Variants in SSX2IP observed in about 807,000 individuals in gnomAD.
SSX2IP encodes the protein SSX family member 2 interacting protein, also known as afadin- and alpha-actinin-binding protein.
Under a neutral mutation model 84.9 loss-of-function variants are expected in SSX2IP, and 55 were observed. The ratio of observed to expected loss-of-function variants is 0.65; its 90% CI spans 0.52 to 0.81. The LOEUF is 0.81. Among genes scored for constraint, SSX2IP ranks in the 30% least tolerant of loss-of-function variants. The pLI is 0.00. For synonymous variants in SSX2IP, 239 were observed against 234.7 expected, an observed-to-expected ratio of 1.02 and a Z score of -0.17; for missense variants, 664 against 705.2, an observed-to-expected ratio of 0.94 and a Z score of 0.66.
At chr1:84,660,992 G>A (rs531665671) in intron 8 of SSX2IP, among the ~76,000 whole-genome samples, 1 of 149,480 alleles carries the variant, frequency 6.7e-6, no homozygotes, top group South Asian at 2.1e-4. Context: ...ACTTGAACTC[G>A]GGAGGCAGAG....
intron 1 of SSX2IP, among the ~76,000 whole-genome samples, chr1:84,676,719 CTTTTTT>C (rs61017474): frequency 1.6e-4 from 16 of 99,490 alleles, no homozygotes; most frequent in East Asian, 1.0e-3. Flanking sequence ...TGCTCTTTTC[CTTTTTT>C]TTTTTTTTTT....
chr1:84,676,398 G>A (rs957251460), intron 1 of SSX2IP, among the ~76,000 whole-genome samples: 4 of 152,040 alleles, frequency 2.6e-5, no homozygotes, highest in Non-Finnish European at 4.4e-5. Context: ...TTTAGTAAAA[G>A]CTTTACCTTA....
At chr1:84,683,760 G>A (rs1340046264) in intron 1 of SSX2IP, among the ~76,000 whole-genome samples, 2 of 152,172 alleles carry the variant, frequency 1.3e-5, no homozygotes, top group Non-Finnish European at 2.9e-5. Flanking sequence ...GCTGCAATTT[G>A]GAAGGGCTTT....
chr1:84,647,631 C>A, intron 13 of SSX2IP, 24 bp from the exon 14 acceptor site: 1 of 1,498,524 alleles, frequency 6.7e-7, no homozygotes, highest in Non-Finnish European at 9.0e-7. Flanking sequence ...AAAGGCAGAT[C>A]TTAGTGACTA....
intron 1 of SSX2IP, among the ~76,000 whole-genome samples, chr1:84,688,894 G>A (rs1656183081): frequency 6.6e-6 from 1 of 152,192 alleles, no homozygotes; most frequent in Non-Finnish European, 1.5e-5. Flanking sequence ...AGTACAAAAT[G>A]ACTTGGCCTA....
At chr1:84,674,985 A>C (rs1654117342) in intron 1 of SSX2IP, among the ~76,000 whole-genome samples, 1 of 152,256 alleles carries the variant, frequency 6.6e-6, no homozygotes, top group South Asian at 2.1e-4. Context: ...ATTTCAGCTC[A>C]AATATAGCTA....
At chr1:84,688,292 TA>T (rs1216547587) in intron 1 of SSX2IP, among the ~76,000 whole-genome samples, 2 of 152,144 alleles carry the variant, frequency 1.3e-5, no homozygotes, top group Non-Finnish European at 2.9e-5. Context: ...TAGCTAACCA[TA>T]TCACCATTAC....
rs1279877287 is a variant in SSX2IP at position 84,662,309 on chromosome 1, C to T, written c.816G>A (p.Met272Ile). 6.2e-7 allele frequency: 1 copy of T among 1,609,400 alleles called. No individual in the cohort carries two copies. The highest frequency in any genetic ancestry group is 1.1e-5 in the South Asian group (1 of 89,898). Residue 272 changes from methionine to isoleucine, a missense_variant, in exon 8 of 14, where the codon ATG (methionine) becomes ATA (isoleucine). Transcript: ENST00000342203. ...GAACCTTCTTAAGTTCTGCATTTTCCATTAGGATTTGTTTCTGACGATATT... is the reference window on the plus strand; with the variant it reads ...GAACCTTCTTAAGTTCTGCATTTTCTATTAGGATTTGTTTCTGACGATATT... ...DYEYRQKQIL[M>I]ENAELKKVLQ...
chr1:84,672,691 A>G (rs905169681), intron 1 of SSX2IP, among the ~76,000 whole-genome samples: 2 of 152,220 alleles, frequency 1.3e-5, no homozygotes. Flanking sequence ...ACAGTTCTGA[A>G]TATTTAAGAC....
chr1:84,665,086 C>T (rs1012589753), intron 5 of SSX2IP, among the ~76,000 whole-genome samples: 1 of 152,176 alleles, frequency 6.6e-6, no homozygotes, highest in Non-Finnish European at 1.5e-5. Flanking sequence ...CCAGACACTG[C>T]TGTTCAAAAT....
intron 12 of SSX2IP, among the ~76,000 whole-genome samples, 182 bp from the exon 13 acceptor site, chr1:84,650,709 T>A (rs1484976113): frequency 5.9e-5 from 2 of 33,702 alleles, no homozygotes; most frequent in Non-Finnish European, 1.9e-4. Flanking sequence ...TTTAAAAGGA[T>A]CTTTTTTTTT....
intron 1 of SSX2IP, among the ~76,000 whole-genome samples, 163 bp from the exon 2 acceptor site, chr1:84,671,471 A>G (rs1653571066): frequency 6.6e-6 from 1 of 152,224 alleles, no homozygotes; most frequent in East Asian, 1.9e-4. Context: ...ATACATAGAA[A>G]TATAAATAAT....
intron 8 of SSX2IP, 148 bp from the exon 9 acceptor site, chr1:84,658,616 A>G (rs976718226): frequency 2.2e-6 from 2 of 898,658 alleles, no homozygotes; most frequent in Non-Finnish European, 3.1e-6. Flanking sequence ...CCCAGTATTT[A>G]AATGTCTTGA....
Position 84,645,804 on chromosome 1 carries a change from T to C in SSX2IP, c.*1629A>G, listed in dbSNP as rs1436756459. The C allele has an allele frequency of 6.6e-6, 1 of 152,182 alleles. No individual in the cohort carries two copies. Among genetic ancestry groups the C allele is most frequent in the Admixed American group, 6.5e-5 (1 of 15,268 alleles). The allele number at this position is 152,182 out of a possible 1,614,324, so 9.4% of individuals were successfully genotyped here. A position where few individuals can be genotyped will look rare whatever the true frequency, so the allele number is the denominator to read the frequency against. ...TGTCTTCGATATTTTGTACAATGTG[T>C]AGTATTTTAAATAGTAAAGAAGTGA... On this transcript the variant is annotated 3_prime_UTR_variant, in exon 14 of 14. Coordinates refer to ENST00000342203, the MANE Select transcript of SSX2IP (RefSeq NM_001166293.2).
chr1:84,655,419 A>G, intron 11 of SSX2IP: 1 of 1,288,960 alleles, frequency 7.8e-7, no homozygotes, highest in Non-Finnish European at 1.0e-6. Context: ...TATATATAAC[A>G]ATGATGGACT....
chr1:84,668,021 C>A (rs1653003512), intron 4 of SSX2IP, among the ~76,000 whole-genome samples: 1 of 152,124 alleles, frequency 6.6e-6, no homozygotes, highest in African/African-American at 2.4e-5. Context: ...TAATCATATG[C>A]TAGATCTAGA....
At chr1:84,680,387 T>C (rs1366953891) in intron 1 of SSX2IP, 1 of 152,162 alleles carries the variant, frequency 6.6e-6, no homozygotes, top group African/African-American at 2.4e-5. Flanking sequence ...ACTTTCCTCA[T>C]CTGCAAAAGG....
chr1:84,664,796 T>C (rs1652530928), intron 5 of SSX2IP, among the ~76,000 whole-genome samples: 1 of 152,176 alleles, frequency 6.6e-6, no homozygotes, highest in Admixed American at 6.6e-5. Flanking sequence ...ATATAGACTC[T>C]GATCATTTAA....
chr1:84,649,833 C>T, intron 13 of SSX2IP: 1 of 420,064 alleles, frequency 2.4e-6, no homozygotes, highest in Non-Finnish European at 4.7e-6. Flanking sequence ...CAAAATGTAG[C>T]AATTAAGAGC....
Sources: gnomAD v4.1 joint callset for allele counts (sites outside exome capture counted in the v4.1 genomes callset) on GRCh38, gnomAD v4.1.1 for gene constraint, MANE v1.5 for transcripts, NCBI Gene and HGNC (gene_info 2026-07-23, HGNC 2026-07-21) for gene names.